Variants in GMEB1 observed in about 807,000 individuals in gnomAD.
GMEB1 encodes glucocorticoid modulatory element-binding protein 1.
A neutral mutation model predicts 52.4 loss-of-function variants in GMEB1; 6 were observed. That is an observed-to-expected ratio of 0.11 (90% CI 0.06 to 0.23). The LOEUF (loss-of-function observed/expected upper bound fraction) is 0.23, where lower values mean the gene tolerates loss of function less well. Among genes scored for constraint, GMEB1 ranks in the 10% least tolerant of loss-of-function variants. GMEB1 has a pLI of 1.00. For missense variants in GMEB1, 486 were observed against 685.6 expected (o/e 0.71, Z 3.25); for synonymous variants, 255 against 244.9 (o/e 1.04, Z -0.38).
intron 2 of GMEB1, among the ~76,000 whole-genome samples, chr1:28,687,370 ACACACACACACAC>A (rs1669704305): frequency 3.6e-5 from 3 of 84,252 alleles, no homozygotes; most frequent in Non-Finnish European, 5.2e-5. Context: ...ACACACACAC[ACACACACACACAC>A]ACACAAAAAA....
At chr1:28,680,337 T>G (rs1669338468) in intron 1 of GMEB1, among the ~76,000 whole-genome samples, 1 of 152,212 alleles carries the variant, frequency 6.6e-6, no homozygotes, top group East Asian at 1.9e-4. Flanking sequence ...TTACAAAGGT[T>G]TAGATAAGCA....
intron 1 of GMEB1, among the ~76,000 whole-genome samples, chr1:28,674,296 T>C (rs1013824493): frequency 2.0e-5 from 3 of 152,026 alleles, no homozygotes; most frequent in Admixed American, 6.6e-5. Context: ...CCAAAAACAC[T>C]GTACTCCACA....
chr1:28,668,498 A>G (rs908045957), upstream of GMEB1, among the ~76,000 whole-genome samples: 1 of 152,056 alleles, frequency 6.6e-6, no homozygotes, highest in African/African-American at 2.4e-5. Context: ...TTGGCCCTCA[A>G]TTGTGGTTGA....
chr1:28,670,002 T>C (rs1400287669), intron 1 of GMEB1, among the ~76,000 whole-genome samples: 2 of 152,030 alleles, frequency 1.3e-5, no homozygotes, highest in African/African-American at 2.4e-5. Context: ...CACTTCCTAG[T>C]AGACACAGAT....
At position 28,715,613 on chromosome 1, in the gene GMEB1, A is replaced by AG. The variant is rs1321689828; in HGVS notation, c.*840_*841insG. ...AGCGAGACTCCATCTCAAAAAAAAA[A>AG]AAAAAAAAAAGTGCTTTGGCAAGTA... On this transcript the variant is annotated 3_prime_UTR_variant, in exon 10 of 10. Coordinates refer to ENST00000373816, the MANE Select transcript of GMEB1 (RefSeq NM_001319674.2). 6.5e-5 allele frequency: 10 copies of AG among 152,926 alleles called. No homozygotes were observed. Among genetic ancestry groups the AG allele is most frequent in the African/African-American group, 2.4e-4 (10 of 41,334 alleles). 9.5% of individuals were successfully genotyped at this position (152,926 alleles called of 1,614,324 possible).
intron 5 of GMEB1, among the ~76,000 whole-genome samples, chr1:28,696,342 C>T (rs1570414844): frequency 6.6e-6 from 1 of 152,144 alleles, no homozygotes; most frequent in Admixed American, 6.6e-5. Context: ...GCTGGGATTA[C>T]AGGCGTGAAT....
At chr1:28,702,603 G>A in intron 7 of GMEB1, 34 bp downstream of exon 7, 3 of 1,601,162 alleles carry the variant, frequency 1.9e-6, no homozygotes, top group Non-Finnish European at 2.6e-6. Context: ...GTCTTGCAGG[G>A]TCTTGTGAGC....
intron 5 of GMEB1, among the ~76,000 whole-genome samples, chr1:28,696,210 G>C (rs1570414661): frequency 1.3e-5 from 2 of 151,722 alleles, no homozygotes; most frequent in Non-Finnish European, 2.9e-5. Flanking sequence ...GGGACTACAG[G>C]CCTCAGCTAC....
chr1:28,706,804 A>G (rs1394243138), intron 8 of GMEB1, among the ~76,000 whole-genome samples: 1 of 150,816 alleles, frequency 6.6e-6, no homozygotes, highest in African/African-American at 2.4e-5. Flanking sequence ...AGCTGGAATT[A>G]CAGGCAAATA....
intron 5 of GMEB1, among the ~76,000 whole-genome samples, chr1:28,696,357 G>T (rs1256703297): frequency 6.6e-6 from 1 of 152,066 alleles, no homozygotes; most frequent in Non-Finnish European, 1.5e-5. Context: ...GTGAATCACT[G>T]CACCTGGCTG....
At chr1:28,691,848 ATTTT>A (rs1445862408) in intron 4 of GMEB1, 139 bp downstream of exon 4, 56 of 175,636 alleles carry the variant, frequency 3.2e-4, no homozygotes, top group African/African-American at 1.3e-3. Flanking sequence ...TTATTTATTT[ATTTT>A]GTGGCTATTG....
chr1:28,703,365 G>C (rs960396598), intron 7 of GMEB1, among the ~76,000 whole-genome samples: 5 of 151,980 alleles, frequency 3.3e-5, no homozygotes, highest in African/African-American at 1.2e-4. Context: ...TGCTGGGTGC[G>C]TAGATGAAAA....
intron 6 of GMEB1, among the ~76,000 whole-genome samples, chr1:28,698,447 G>C (rs537879406): frequency 6.7e-6 from 1 of 150,134 alleles, no homozygotes; most frequent in African/African-American, 2.5e-5. Flanking sequence ...AGGCCAAAGC[G>C]GGCAGATCTC....
Position 28,674,144 on chromosome 1 carries a change from C to T in GMEB1, c.-31+5305C>T, listed in dbSNP as rs367997106. ...CAGCCTGGGTGACAGAGCGAGACTC[C>T]GTCTGAAAAAAAAAAAAAAAGTTAA... On this transcript the variant is annotated intron_variant, in intron 1 of 9. Transcript: ENST00000373816. Among the ~76,000 whole-genome samples, 11 of 147,326 alleles carry T rather than the reference C, an allele frequency of 7.5e-5. No individual in the cohort carries two copies. In the East Asian group the frequency reaches 8.0e-4, roughly 11 times the overall value.
Position 28,714,752 on chromosome 1 carries a change from G to A in GMEB1, c.1671G>A (p.Glu557=), listed in dbSNP as rs1261509936. 6.2e-7 allele frequency: 1 copy of A among 1,611,856 alleles called. No homozygotes were observed. Among genetic ancestry groups the A allele is most frequent in the South Asian group, 1.1e-5 (1 of 91,046 alleles). ...EEHQHQVHNV[E]IVVLED ...ACCAGCATCAAGTTCACAATGTGGAGATTGTGGTCTTAGAGGATTAACTGG... is the reference window on the plus strand; with the variant it reads ...ACCAGCATCAAGTTCACAATGTGGAAATTGTGGTCTTAGAGGATTAACTGG... The change falls in exon 10 of 10, where the codon GAG becomes GAA. Residue 557 remains glutamate, a synonymous_variant. Coordinates refer to ENST00000373816, the MANE Select transcript of GMEB1 (RefSeq NM_001319674.2).
At chr1:28,674,642 G>A (rs886274609) in intron 1 of GMEB1, among the ~76,000 whole-genome samples, 1 of 150,296 alleles carries the variant, frequency 6.7e-6, no homozygotes, top group Non-Finnish European at 1.5e-5. Flanking sequence ...TGATCTGACT[G>A]CCTGGTCCTC....
At chr1:28,701,608 A>C (rs1282192735) in intron 6 of GMEB1, among the ~76,000 whole-genome samples, 1 of 151,042 alleles carries the variant, frequency 6.6e-6, no homozygotes, top group Non-Finnish European at 1.5e-5. Context: ...TTAGTCTGTC[A>C]CCCAGGCTGG....
Position 28,698,411 on chromosome 1 carries a change from C to T in GMEB1, c.598+1327C>T, listed in dbSNP as rs369426497. Among the ~76,000 whole-genome samples, 6 of 150,638 alleles carry T rather than the reference C, an allele frequency of 4.0e-5. No individual in the cohort carries two copies. In the South Asian group the frequency reaches 1.1e-3, roughly 26 times the overall value. ...AAAAAGAAGCCTGGGCATGGTGGCT[C>T]ACGCCTGTAATCCCAGCACTTTGGG... is the stretch of plus-strand genomic sequence containing the variant. On this transcript the variant is annotated intron_variant, in intron 6 of 9. Coordinates refer to ENST00000373816, the MANE Select transcript of GMEB1 (RefSeq NM_001319674.2).
intron 2 of GMEB1, among the ~76,000 whole-genome samples, chr1:28,689,294 G>A (rs994628832): frequency 1.2e-4 from 18 of 152,036 alleles, no homozygotes. Context: ...CCAAAGTACT[G>A]GAATTACAGG....
Sources: gnomAD v4.1 joint callset for allele counts (sites outside exome capture counted in the v4.1 genomes callset) on GRCh38, gnomAD v4.1.1 for gene constraint, MANE v1.5 for transcripts, NCBI Gene and HGNC (gene_info 2026-07-23, HGNC 2026-07-21) for gene names.